Variants in RPS6KB1 observed in about 807,000 individuals in gnomAD.
RPS6KB1 encodes the protein ribosomal protein S6 kinase B1.
A neutral mutation model predicts 70.2 loss-of-function variants in RPS6KB1; 12 were observed. The observed-to-expected ratio is 0.17, with a 90% CI of 0.11 to 0.28. The LOEUF is 0.28. Among genes scored for constraint, RPS6KB1 ranks in the 10% least tolerant of loss-of-function variants. The probability of loss-of-function intolerance (pLI) is 1.00; values close to 1 mark genes in which losing one functional copy is unlikely to be tolerated. For missense variants in RPS6KB1, 270 were observed against 646.6 expected (o/e 0.42, Z 6.32); for synonymous variants, 175 against 211.2 (o/e 0.83, Z 1.49).
intron 4 of RPS6KB1, among the ~76,000 whole-genome samples, chr17:59,922,093 T>A (rs1200069590): frequency 1.3e-5 from 2 of 148,444 alleles, no homozygotes; most frequent in East Asian, 2.0e-4. Context: ...CAGGCTGGAG[T>A]GCAGTGGTGC....
chr17:59,893,662 G>A lies in RPS6KB1; in HGVS notation c.141+337G>A, dbSNP rs1420431405. ...GCGTGAGCGTGTGTTGGGGAGACGGGGGCTGCTCTTGCTGGGTGTCCCGTA... is the reference window on the plus strand; with the variant it reads ...GCGTGAGCGTGTGTTGGGGAGACGGAGGCTGCTCTTGCTGGGTGTCCCGTA... On this transcript the variant is annotated intron_variant, in intron 1 of 14. Coordinates refer to ENST00000225577, the MANE Select transcript of RPS6KB1 (RefSeq NM_003161.4). This position sits in a 1 kb window ranked among gnomAD's most constrained non-coding sequence, Gnocchi z 4.1. The A allele has an allele frequency of 7.5e-6, 4 of 532,274 alleles. No homozygotes were observed. Among genetic ancestry groups the A allele is most frequent in the African/African-American group, 4.0e-5 (2 of 49,978 alleles). The allele number at this position is 532,274 out of a possible 1,614,324, so 33.0% of individuals were successfully genotyped here.
chr17:59,895,240 A>T (rs1292040), intron 1 of RPS6KB1, among the ~76,000 whole-genome samples: 84,005 of 149,552 alleles, frequency 0.56, 25,571 homozygotes, highest in African/African-American at 0.82. Context: ...CAGGATGGTC[A>T]CGATCTCTTG....
intron 7 of RPS6KB1, among the ~76,000 whole-genome samples, chr17:59,933,191 C>T (rs1316315479): frequency 6.6e-6 from 1 of 151,726 alleles, no homozygotes; most frequent in Admixed American, 6.6e-5. Flanking sequence ...AGATTATACT[C>T]CTCCACCCAC....
At chr17:59,908,334 A>G (rs1332494245) in intron 1 of RPS6KB1, among the ~76,000 whole-genome samples, 1 of 151,468 alleles carries the variant, frequency 6.6e-6, no homozygotes, top group Non-Finnish European at 1.5e-5. Flanking sequence ...TTGGGATTAC[A>G]GGCACCCACC....
chr17:59,936,916 C>T (rs180521), intron 12 of RPS6KB1, among the ~76,000 whole-genome samples: 85,157 of 152,054 alleles, frequency 0.56, 25,970 homozygotes, highest in African/African-American at 0.82. Flanking sequence ...TGGAGTGCAG[C>T]AGCACGATCA....
At chr17:59,909,712 AC>A (rs1239125101) in intron 1 of RPS6KB1, among the ~76,000 whole-genome samples, 1 of 151,948 alleles carries the variant, frequency 6.6e-6, no homozygotes, top group Non-Finnish European at 1.5e-5. Flanking sequence ...CCCCATCTCT[AC>A]TAAAAATGCA....
rs2045068493 is a variant in RPS6KB1, at chr17:59,948,841, T to C, written c.*2053T>C. On this transcript the variant is annotated 3_prime_UTR_variant, in exon 15 of 15. Transcript: ENST00000225577. ...TCTGAAAAAACAGAACCCGAAAAGC[T>C]ATGGTGATATGTACAGGCATTATTT... is the stretch of plus-strand genomic sequence containing the variant. 1 of 152,612 alleles carries C rather than the reference T, an allele frequency of 6.6e-6. No individual in the cohort carries two copies. Among genetic ancestry groups the C allele is most frequent in the Non-Finnish European group, 1.5e-5 (1 of 68,002 alleles). The allele number at this position is 152,612 out of a possible 1,614,324, so 9.5% of individuals were successfully genotyped here.
In RPS6KB1 at chr17:59,936,269, G is replaced by T. The variant is rs1568487397; in HGVS notation, c.1033G>T (p.Glu345Ter). ...RLGAGPGDAGEVQAHPFFRHI... is the reference protein window; with the variant it reads ...RLGAGPGDAG ...GGGAGCTGGTCCTGGGGACGCTGGA[G>T]AAGTTCAAGTAGGGATTGGCATCTT... Residue 345 changes from glutamate (E) to a stop codon, truncating the protein, a stop_gained, in exon 11 of 15, where the codon GAA becomes TAA. Coordinates refer to ENST00000225577, the MANE Select transcript of RPS6KB1 (RefSeq NM_003161.4). LOFTEE classifies it high-confidence loss of function. The T allele has an allele frequency of 6.3e-7, 1 of 1,596,662 alleles. No individual in the cohort carries two copies. Among genetic ancestry groups the T allele is most frequent in the East Asian group, 2.2e-5 (1 of 44,828 alleles).
At chr17:59,922,867 TG>T (rs1478765650) in intron 4 of RPS6KB1, among the ~76,000 whole-genome samples, 4 of 133,638 alleles carry the variant, frequency 3.0e-5, no homozygotes, top group African/African-American at 8.1e-5. Context: ...TAAAAAAATT[TG>T]TTTGTTTTTT....
intron 1 of RPS6KB1, among the ~76,000 whole-genome samples, chr17:59,895,168 G>A (rs957370354): frequency 7.9e-5 from 12 of 151,208 alleles, no homozygotes; most frequent in Non-Finnish European, 2.9e-5. Context: ...CTACAGGCGC[G>A]TGCCACCACA....
In RPS6KB1 at chr17:59,949,578, T is replaced by C. The variant is rs1324481440; in HGVS notation, c.*2790T>C. ...TTGTAGCATTACAGAATAACTAAAC[T>C]GGGATTTATAAACCAGCTGTGATTA... is the stretch of plus-strand genomic sequence containing the variant. On this transcript the variant is annotated 3_prime_UTR_variant, in exon 15 of 15. Transcript: ENST00000225577. The C allele has an allele frequency of 6.6e-6, 1 of 152,574 alleles. No individual in the cohort carries two copies. Among genetic ancestry groups the C allele is most frequent in the Non-Finnish European group, 1.5e-5 (1 of 67,968 alleles). 9.5% of individuals were successfully genotyped at this position (152,574 alleles called of 1,614,324 possible).
At chr17:59,900,564 C>A (rs186765524) in intron 1 of RPS6KB1, among the ~76,000 whole-genome samples, 28 of 151,980 alleles carry the variant, frequency 1.8e-4, no homozygotes, top group African/African-American at 5.3e-4. Context: ...CGGGGTTTCT[C>A]CATGTTGGCC....
At chr17:59,922,720 AT>A (rs2043347155) in intron 4 of RPS6KB1, among the ~76,000 whole-genome samples, 1 of 150,216 alleles carries the variant, frequency 6.7e-6, no homozygotes. Flanking sequence ...AATTTTTTGT[AT>A]TTTTAGTAGA....
At chr17:59,915,011 C>T (rs1287359601) in intron 4 of RPS6KB1, among the ~76,000 whole-genome samples, 1 of 148,570 alleles carries the variant, frequency 6.7e-6, no homozygotes, top group Admixed American at 6.8e-5. Context: ...TTTTTTGAGA[C>T]GTAGTCGCGC....
intron 13 of RPS6KB1, among the ~76,000 whole-genome samples, chr17:59,942,318 T>C (rs1307548043): frequency 6.6e-6 from 1 of 152,234 alleles, no homozygotes; most frequent in Admixed American, 6.5e-5. Flanking sequence ...TAATAGTGAA[T>C]TCTCATTGTA....
rs1052534929 is a variant in RPS6KB1 at position 59,909,544 on chromosome 17, G to A, written c.142-1018G>A. The stretch of plus-strand genomic sequence containing the variant: ...GCCTCCCAAAGTGCTGGGATTACAG[G>A]TGTGAGCCACCATGCCCAGCCTGTC... On this transcript the variant is annotated intron_variant, in intron 1 of 14. Transcript: ENST00000225577. Among the ~76,000 whole-genome samples the A allele has an allele frequency of 2.6e-5, 4 of 151,416 alleles. No individual in the cohort carries two copies. The South Asian group carries it at 8.3e-4, about 32-fold the overall frequency.
intron 14 of RPS6KB1, among the ~76,000 whole-genome samples, chr17:59,945,889 C>T (rs2044896652): frequency 6.6e-6 from 1 of 151,954 alleles, no homozygotes; most frequent in Admixed American, 6.6e-5. Context: ...GGGAAAGTCA[C>T]AATAGACAAA....
Position 59,893,747 on chromosome 17 carries a change from C to A in RPS6KB1, c.141+422C>A, listed in dbSNP as rs890753607. On this transcript the variant is annotated intron_variant, in intron 1 of 14. Coordinates refer to ENST00000225577, the MANE Select transcript of RPS6KB1 (RefSeq NM_003161.4). The surrounding 1 kb of genome is among the most constrained non-coding windows in gnomAD (Gnocchi z 4.1). ...TCTAGAATTTCAAGTATTGAATCTT[C>A]AGACCTCCCACAACCACCTCTCTTC... The A allele has an allele frequency of 6.0e-6, 6 of 993,860 alleles. No homozygotes were observed. Among genetic ancestry groups the A allele is most frequent in the African/African-American group, 3.5e-5 (2 of 57,318 alleles). The allele number at this position is 993,860 out of a possible 1,614,324, so 61.6% of individuals were successfully genotyped here.
intron 4 of RPS6KB1, 67 bp downstream of exon 4, chr17:59,914,770 C>A: frequency 8.5e-7 from 1 of 1,176,754 alleles, no homozygotes; most frequent in Non-Finnish European, 1.2e-6. Flanking sequence ...AGCCAAAAGG[C>A]TGGGAAGCAA....
Sources: gnomAD v4.1 joint callset for allele counts (sites outside exome capture counted in the v4.1 genomes callset) on GRCh38, gnomAD v4.1.1 for gene constraint, Gnocchi (gnomAD v3.1) non-coding constraint, MANE v1.5 for transcripts, NCBI Gene and HGNC (gene_info 2026-07-23, HGNC 2026-07-21) for gene names.